DPF3: variants seen among roughly 807,000 people sequenced by gnomAD.
The protein encoded by DPF3 is zinc finger protein DPF3.
A neutral mutation model predicts 56.8 loss-of-function variants in DPF3; 18 were observed. The observed-to-expected ratio is 0.32, with a 90% CI of 0.22 to 0.47. The LOEUF (loss-of-function observed/expected upper bound fraction) is 0.47, where lower values mean the gene tolerates loss of function less well. Ranked by LOEUF, DPF3 falls within the 20% of genes least tolerant of loss-of-function variation. The pLI, the probability that DPF3 is intolerant of heterozygous loss-of-function variation, is 1.00. For missense variants in DPF3, 403 were observed against 488.8 expected (o/e 0.82, Z 1.65); for synonymous variants, 188 against 180.2 (o/e 1.04, Z -0.35).
At chr14:72,824,064 A>G (rs1883676494) in intron 1 of DPF3, among the ~76,000 whole-genome samples, 1 of 152,196 alleles carries the variant, frequency 6.6e-6, no homozygotes, top group African/African-American at 2.4e-5. Context: ...AGGCAAAGAA[A>G]TATCTTCTAG....
Position 72,818,724 on chromosome 14 carries a change from A to ATGGT in DPF3, c.33-46835_33-46832dup, listed in dbSNP as rs540332737. On this transcript the variant is annotated intron_variant, in intron 1 of 10. Coordinates refer to ENST00000556509, the MANE Select transcript of DPF3 (RefSeq NM_001280542.3). ...AAAGACATTGTTTAAGATAGGAGAT[A>ATGGT]TGGTTGTACAACAATGGGAGTATAA... Among the ~76,000 whole-genome samples the ATGGT allele has an allele frequency of 4.0e-3, 602 of 152,366 alleles. 8 individuals carry two copies. The highest frequency in any genetic ancestry group is 0.014 in the African/African-American group (582 of 41,582).
chr14:72,732,582 C>T (rs72730304), intron 3 of DPF3, among the ~76,000 whole-genome samples: 12,034 of 152,276 alleles, frequency 0.079, 672 homozygotes, highest in Admixed American at 0.15. Context: ...TCACAAGCCC[C>T]GGATGAGCAG....
At chr14:72,792,951 GA>G (rs906366219) in intron 1 of DPF3, among the ~76,000 whole-genome samples, 24 of 151,534 alleles carry the variant, frequency 1.6e-4, no homozygotes, top group African/African-American at 5.6e-4. Context: ...AAACACTGCT[GA>G]AACACAGAAC....
At chr14:72,676,551 C>T (rs899525359) in intron 7 of DPF3, among the ~76,000 whole-genome samples, 14 of 152,178 alleles carry the variant, frequency 9.2e-5, no homozygotes, top group African/African-American at 3.4e-4. Context: ...AATTGCAGCT[C>T]CCATAATCCC....
chr14:72,727,199 C>T (rs1468877167), intron 4 of DPF3, among the ~76,000 whole-genome samples: 1 of 152,164 alleles, frequency 6.6e-6, no homozygotes, highest in African/African-American at 2.4e-5. Context: ...TTGGGGCCAT[C>T]ACACCCACTG....
At chr14:72,752,221 G>A (rs933443075) in intron 3 of DPF3, among the ~76,000 whole-genome samples, 1 of 152,204 alleles carries the variant, frequency 6.6e-6, no homozygotes, top group African/African-American at 2.4e-5. Context: ...CCACTGAACA[G>A]CACTGTCCCT....
Position 72,745,443 on chromosome 14 carries a change from T to C in DPF3, c.301+7821A>G, listed in dbSNP as rs561760781. ...TGGAAGTTTCCATTCTTTGTTGTTATTACAAACCATGCCACAATAAAAAAT... is the reference window on the plus strand; with the variant it reads ...TGGAAGTTTCCATTCTTTGTTGTTACTACAAACCATGCCACAATAAAAAAT... On this transcript the variant is annotated intron_variant, in intron 3 of 10. Coordinates refer to ENST00000556509, the MANE Select transcript of DPF3 (RefSeq NM_001280542.3). Among the ~76,000 whole-genome samples, 30 of 151,818 alleles carry C rather than the reference T, an allele frequency of 2.0e-4. No individual in the cohort carries two copies. The East Asian group carries it at 5.8e-3, about 29-fold the overall frequency.
intron 9 of DPF3, among the ~76,000 whole-genome samples, chr14:72,625,112 C>T (rs1034939859): frequency 6.6e-6 from 1 of 152,078 alleles, no homozygotes; most frequent in Non-Finnish European, 1.5e-5. Flanking sequence ...AAATATCCTA[C>T]TTCTCATCAT....
At chr14:72,701,391 G>C (rs2332910) in intron 6 of DPF3, among the ~76,000 whole-genome samples, 151,801 of 152,352 alleles carry the variant, frequency 1, 75,631 homozygotes, top group Middle Eastern at 1. Context: ...ATCTGTCAAG[G>C]TGCAGAAGGA....
chr14:72,769,987 T>C (rs1305356897), intron 2 of DPF3, among the ~76,000 whole-genome samples: 2 of 152,182 alleles, frequency 1.3e-5, no homozygotes, highest in Non-Finnish European at 2.9e-5. Context: ...GGAATGTTTT[T>C]CTTTATAGAA....
At chr14:72,839,674 A>G (rs1884466822) in intron 1 of DPF3, among the ~76,000 whole-genome samples, 2 of 152,150 alleles carry the variant, frequency 1.3e-5, no homozygotes, top group South Asian at 2.1e-4. Context: ...TCTCTTGGGG[A>G]CAGTAGCCCA....
At chr14:72,800,377 A>AATGGATAGATGGATGGATGGATGG (rs1326428990) in intron 1 of DPF3, among the ~76,000 whole-genome samples, 2 of 18,050 alleles carry the variant, frequency 1.1e-4, no homozygotes, top group African/African-American at 1.2e-4. Context: ...TAAATAGATA[A>AATGGATAGATGGATGGATGGATGG]ATGGATGGAT....
intron 8 of DPF3, chr14:72,670,532 T>C: frequency 1.1e-6 from 1 of 951,986 alleles, no homozygotes; most frequent in African/African-American, 2.3e-5. Context: ...AGCCGCAAAC[T>C]CCGTGGGGCA....
chr14:72,664,874 T>C (rs1017138160), intron 8 of DPF3, among the ~76,000 whole-genome samples: 8 of 152,178 alleles, frequency 5.3e-5, no homozygotes, highest in African/African-American at 1.4e-4. Context: ...CGCCATCTGT[T>C]TGAGAAGGAC....
At chr14:72,677,442 A>C (rs144780470) in intron 7 of DPF3, among the ~76,000 whole-genome samples, 6 of 152,194 alleles carry the variant, frequency 3.9e-5, no homozygotes, top group African/African-American at 1.2e-4. Flanking sequence ...CAGCTAAAAC[A>C]TATCAGTCAT....
chr14:72,753,320 T>C lies in DPF3; in HGVS notation c.245A>G (p.Lys82Arg), dbSNP rs757651598. ...YTYPARCWRKKRRLHPPEDPK... is the reference protein window; with the variant it reads ...YTYPARCWRKRRRLHPPEDPK... ...ATCTTCAGGTGGGTGCAATCGTCTC[T>C]TCTTGCGCCAGCAGCGGGCAGGGTA... The change falls in exon 3 of 11, where the codon AAG (lysine) becomes AGG (arginine). Residue 82 changes from lysine (K) to arginine (R), a missense_variant. Transcript: ENST00000556509. 1.9e-6 allele frequency: 3 copies of C among 1,613,606 alleles called. No individual in the cohort carries two copies. The highest frequency in any genetic ancestry group is 2.7e-5 in the African/African-American group (2 of 75,042).
At chr14:72,748,227 A>AT (rs1890407771) in intron 3 of DPF3, among the ~76,000 whole-genome samples, 1 of 152,188 alleles carries the variant, frequency 6.6e-6, no homozygotes, top group Non-Finnish European at 1.5e-5. Context: ...GAGATGAAAA[A>AT]TTTGTTGGGA....
At chr14:72,633,566 G>T (rs749077621) in intron 8 of DPF3, among the ~76,000 whole-genome samples, 1 of 152,124 alleles carries the variant, frequency 6.6e-6, no homozygotes, top group Non-Finnish European at 1.5e-5. Flanking sequence ...TTTCAAGAAG[G>T]AGAAGGTGGT....
intron 8 of DPF3, among the ~76,000 whole-genome samples, chr14:72,654,876 A>T (rs1287771683): frequency 6.6e-6 from 1 of 152,184 alleles, no homozygotes; most frequent in Non-Finnish European, 1.5e-5. Flanking sequence ...TCATTATACA[A>T]AGTAGCAGCA....
Sources: gnomAD v4.1 joint callset for allele counts (sites outside exome capture counted in the v4.1 genomes callset) on GRCh38, gnomAD v4.1.1 for gene constraint, MANE v1.5 for transcripts, NCBI Gene and HGNC (gene_info 2026-07-23, HGNC 2026-07-21) for gene names.